Variants in HAO1 observed in about 807,000 individuals in gnomAD.
HAO1 encodes the protein hydroxyacid oxidase 1.
A neutral mutation model predicts 39.7 loss-of-function variants in HAO1; 34 were observed. That is an observed-to-expected ratio of 0.86 (90% CI 0.65 to 1.14). The LOEUF is 1.14. Ranked by LOEUF, HAO1 falls within the 50% of genes most tolerant of loss-of-function variation. The probability of loss-of-function intolerance (pLI) is 0.00; values close to 1 mark genes in which losing one functional copy is unlikely to be tolerated. For synonymous variants in HAO1, 172 were observed against 173.2 expected (o/e 0.99, Z 0.05); for missense variants, 479 against 464.5 (o/e 1.03, Z -0.29).
At chr20:7,888,764 C>G (rs1198505745) in intron 5 of HAO1, among the ~76,000 whole-genome samples, 1 of 152,200 alleles carries the variant, frequency 6.6e-6, no homozygotes, top group Admixed American at 6.5e-5. Flanking sequence ...GGGTTCTGTT[C>G]TGCCACCTTA....
At position 7,914,215 on chromosome 20, in the gene HAO1, C is replaced by A; in HGVS notation, c.494G>T (p.Gly165Val). The change falls in exon 3 of 8, where the codon GGC (glycine) becomes GTC (valine). Residue 165 changes from glycine (G) to valine (V), a missense_variant. Coordinates refer to ENST00000378789, the MANE Select transcript of HAO1 (RefSeq NM_017545.3). ...GTTACGCACATCATCCAGACGGTTG[C>A]CCAGGTAAGGTGTGTCCACTGTCAC... The part of the protein sequence containing the change: ...IFVTVDTPYL[G>V]NRLDDVRNRF... 1 of 1,614,040 alleles carries A rather than the reference C, an allele frequency of 6.2e-7. No homozygotes were observed. The highest frequency in any genetic ancestry group is 8.5e-7 in the Non-Finnish European group (1 of 1,179,958).
rs367771209 is a variant in HAO1 at position 7,902,187 on chromosome 20, C to T, written c.721+3967G>A. Among the ~76,000 whole-genome samples the T allele has an allele frequency of 4.4e-3, 676 of 152,296 alleles. 2 individuals carry two copies. Among genetic ancestry groups the T allele is most frequent in the African/African-American group, 0.015 (632 of 41,562 alleles). ...AGCAGTGGCAGTTTGAGAGGACTGA[C>T]TCCAATGTTGAAAAAGTTGTACTGT... is the stretch of plus-strand genomic sequence containing the variant. On this transcript the variant is annotated intron_variant, in intron 4 of 7. Coordinates refer to ENST00000378789, the MANE Select transcript of HAO1 (RefSeq NM_017545.3).
At chr20:7,937,950 A>G (rs1346042369) in intron 1 of HAO1, among the ~76,000 whole-genome samples, 1 of 152,212 alleles carries the variant, frequency 6.6e-6, no homozygotes, top group Admixed American at 6.5e-5. Flanking sequence ...TGAGTGGTCC[A>G]TGTCCCCAGA....
rs535038284 is a variant in HAO1, at chr20:7,907,069, C to G, written c.546-740G>C. ...GCCCCTGTAGACTCCTTCTTGCCTG[C>G]TATTGCAGTAGTGATGGTGGTGGTG... On this transcript the variant is annotated intron_variant, in intron 3 of 7. Coordinates refer to ENST00000378789, the MANE Select transcript of HAO1 (RefSeq NM_017545.3). Among the ~76,000 whole-genome samples the G allele has an allele frequency of 5.3e-5, 8 of 152,294 alleles. No homozygotes were observed. In the South Asian group the frequency reaches 1.7e-3, roughly 32 times the overall value.
chr20:7,929,672 T>G (rs1206828171), intron 2 of HAO1, among the ~76,000 whole-genome samples: 2 of 152,148 alleles, frequency 1.3e-5, no homozygotes, highest in African/African-American at 2.4e-5. Context: ...AAGACCATCC[T>G]GGCCAACATG....
rs76810752 is a variant in HAO1 at position 7,903,118 on chromosome 20, C to T, written c.721+3036G>A. Among the ~76,000 whole-genome samples, 184 of 152,284 alleles carry T rather than the reference C, an allele frequency of 1.2e-3. 2 individuals are homozygous for T. The East Asian group carries it at 0.018, about 15-fold the overall frequency. On this transcript the variant is annotated intron_variant, in intron 4 of 7. Coordinates refer to ENST00000378789, the MANE Select transcript of HAO1 (RefSeq NM_017545.3). ...CCCAGAACTGGCCCTGCCACTGCTC[C>T]CTTCCGATCCAGATTGAGCATATGT... is the stretch of plus-strand genomic sequence containing the variant.
chr20:7,884,641 A>AG (rs2050142907), intron 7 of HAO1, among the ~76,000 whole-genome samples: 1 of 152,218 alleles, frequency 6.6e-6, no homozygotes, highest in Admixed American at 6.5e-5. Flanking sequence ...CACATAGTCA[A>AG]GGGACATCAT....
At chr20:7,925,131 A>G (rs115824618) in intron 2 of HAO1, among the ~76,000 whole-genome samples, 4,472 of 152,286 alleles carry the variant, frequency 0.029, 186 homozygotes, top group African/African-American at 0.094. Context: ...GTCTAAAATT[A>G]CAATTGAGAT....
intron 4 of HAO1, among the ~76,000 whole-genome samples, chr20:7,904,385 C>A (rs1193897024): frequency 6.6e-6 from 1 of 152,228 alleles, no homozygotes; most frequent in Non-Finnish European, 1.5e-5. Flanking sequence ...GGTTGCTTCT[C>A]TGATCAAGAC....
chr20:7,891,106 C>T (rs2050172389), intron 5 of HAO1, among the ~76,000 whole-genome samples: 2 of 152,164 alleles, frequency 1.3e-5, no homozygotes, highest in South Asian at 4.1e-4. Flanking sequence ...ACTTTCAGTT[C>T]TTTAAGGAAT....
chr20:7,885,904 C>T (rs2050149336), intron 5 of HAO1, 40 bp from the exon 6 acceptor site: 2 of 1,559,504 alleles, frequency 1.3e-6, no homozygotes, highest in Non-Finnish European at 1.8e-6. Flanking sequence ...TCTATTAACA[C>T]TGAATTGTTA....
rs569105726 is a variant in HAO1, at chr20:7,886,588, C to A, written c.814-724G>T. 3.3e-5 allele frequency among the ~76,000 whole-genome samples: 5 copies of A among 152,192 alleles called. No individual in the cohort carries two copies. The South Asian group carries it at 1.0e-3, about 32-fold the overall frequency. On this transcript the variant is annotated intron_variant, in intron 5 of 7. Coordinates refer to ENST00000378789, the MANE Select transcript of HAO1 (RefSeq NM_017545.3). ...AATGCAAACACAACTAATAATAAAA[C>A]AACTTAGTCTCTTATTTTCTCATCC...
chr20:7,903,848 A>G (rs6038977), intron 4 of HAO1, among the ~76,000 whole-genome samples: 90,618 of 131,282 alleles, frequency 0.69, 31,467 homozygotes, highest in East Asian at 0.99. Context: ...GGTAATGGAG[A>G]TTGTGGTAGC....
chr20:7,903,863 G>GTGGTGGTGGTGGTGA (rs2122765760), intron 4 of HAO1, among the ~76,000 whole-genome samples: 1 of 127,164 alleles, frequency 7.9e-6, no homozygotes, highest in South Asian at 2.3e-4. Context: ...GGTAGCGGTG[G>GTGGTGGTGGTGGTGA]TGGTGGTGGT....
chr20:7,897,163 C>T (rs1412939587), intron 4 of HAO1, among the ~76,000 whole-genome samples: 2 of 152,162 alleles, frequency 1.3e-5, no homozygotes, highest in Admixed American at 6.6e-5. Context: ...TTCTAGTACC[C>T]ATTGCTGATG....
At chr20:7,923,147 T>C (rs1338622649) in intron 2 of HAO1, among the ~76,000 whole-genome samples, 3 of 152,222 alleles carry the variant, frequency 2.0e-5, no homozygotes, top group African/African-American at 7.2e-5. Context: ...ATGGCTGAGA[T>C]TTAAAAGAAC....
intron 7 of HAO1, among the ~76,000 whole-genome samples, chr20:7,884,424 G>T (rs983024213): frequency 3.1e-4 from 47 of 152,246 alleles, no homozygotes; most frequent in Middle Eastern, 3.4e-3. Context: ...AAGGATGAAA[G>T]AAAACTGGAA....
chr20:7,934,622 G>T lies in HAO1; in HGVS notation c.151C>A (p.Pro51Thr). 1 of 1,600,588 alleles carries T rather than the reference G, an allele frequency of 6.2e-7. No individual in the cohort carries two copies. Among genetic ancestry groups the T allele is most frequent in the Non-Finnish European group, 8.5e-7 (1 of 1,172,182 alleles). Reference sequence around the variant, plus strand: ...TCAGCAACATTCCGGAGCATCCTTGGATACAGCTTCCATCTAGAATTAAAA... The same window carrying T: ...TCAGCAACATTCCGGAGCATCCTTGTATACAGCTTCCATCTAGAATTAAAA... ...IAAFSRWKLY[P>T]RMLRNVAETD... Residue 51 changes from proline to threonine, a missense_variant, in exon 2 of 8, where the codon CCA (proline) becomes ACA (threonine). Transcript: ENST00000378789.
intron 5 of HAO1, among the ~76,000 whole-genome samples, chr20:7,888,249 G>A (rs956629427): frequency 3.9e-5 from 6 of 152,094 alleles, no homozygotes; most frequent in African/African-American, 1.4e-4. Flanking sequence ...AAGGGATGTA[G>A]AAAGAAACCC....
Sources: allele counts gnomAD v4.1 joint callset (sites outside exome capture counted in the v4.1 genomes callset), GRCh38; gene constraint gnomAD v4.1.1; transcripts MANE v1.5; gene names NCBI Gene and HGNC (gene_info 2026-07-23, HGNC 2026-07-21).